SLC4A4: variants seen among roughly 807,000 people sequenced by gnomAD.
SLC4A4 encodes electrogenic sodium bicarbonate cotransporter 1.
In SLC4A4, 27 loss-of-function variants were observed where a neutral mutation model predicts 111.5. The observed-to-expected ratio is 0.24, with a 90% CI of 0.18 to 0.33. The LOEUF is 0.33. SLC4A4 is among the 10% of genes least tolerant of loss of function. The pLI is 1.00. For missense variants in SLC4A4, 909 were observed against 1,315.5 expected (o/e 0.69, Z 4.78); for synonymous variants, 443 against 463.4 (o/e 0.96, Z 0.57).
intron 2 of SLC4A4, among the ~76,000 whole-genome samples, chr4:71,114,597 A>C (rs1743196019): frequency 6.6e-6 from 1 of 150,824 alleles, no homozygotes; most frequent in Non-Finnish European, 1.5e-5. Flanking sequence ...GCTCACCATC[A>C]CTGGCCATCA....
intron 16 of SLC4A4, among the ~76,000 whole-genome samples, chr4:71,522,085 C>T (rs559826682): frequency 5.3e-5 from 8 of 152,172 alleles, no homozygotes; most frequent in Non-Finnish European, 1.0e-4. Context: ...TTCTACAGAG[C>T]CCTAATGCTC....
Position 71,561,083 on chromosome 4 carries a change from CT to C in SLC4A4, c.3099+830del, listed in dbSNP as rs1398392005. On this transcript the variant is annotated intron_variant, in intron 23 of 25. Coordinates refer to ENST00000264485, the MANE Select transcript of SLC4A4 (RefSeq NM_001098484.3). ...AATGTTTTCCATTTGAAAATTTGCT[CT>C]GGATTTTACACAGTGCAGTATCACA... Among the ~76,000 whole-genome samples the C allele has an allele frequency of 2.6e-5, 4 of 151,844 alleles. No homozygotes were observed. In the East Asian group the frequency reaches 7.8e-4, roughly 30 times the overall value.
chr4:71,292,489 C>T (rs1264535750), intron 3 of SLC4A4, among the ~76,000 whole-genome samples: 2 of 152,210 alleles, frequency 1.3e-5, no homozygotes, highest in African/African-American at 4.8e-5. Context: ...TGCAATAAAA[C>T]TTAAATTGCT....
At chr4:71,075,007 A>G (rs1358154372) in intron 1 of SLC4A4, among the ~76,000 whole-genome samples, 1 of 152,072 alleles carries the variant, frequency 6.6e-6, no homozygotes, top group Non-Finnish European at 1.5e-5. Context: ...GACATATAAC[A>G]AGGCTTAATT....
intron 4 of SLC4A4, among the ~76,000 whole-genome samples, chr4:71,348,243 G>A (rs188473367): frequency 3.8e-4 from 57 of 149,190 alleles, no homozygotes; most frequent in Admixed American, 6.7e-4. Flanking sequence ...TAAAATTGTC[G>A]TTTTTTTTCT....
chr4:71,520,848 G>A (rs536743025), intron 16 of SLC4A4, among the ~76,000 whole-genome samples: 6 of 151,420 alleles, frequency 4.0e-5, no homozygotes, highest in Non-Finnish European at 7.4e-5. Context: ...CTTTTTTTTG[G>A]GGGGGTGGCT....
chr4:71,558,917 A>G lies in SLC4A4; in HGVS notation c.2937+1032A>G, dbSNP rs1278803029. ...AGCACACTGAGTATGAGAAACACTC[A>G]AATATACCTATTAGTGTTATCTGCC... is the stretch of plus-strand genomic sequence containing the variant. On this transcript the variant is annotated intron_variant, in intron 22 of 25. Transcript: ENST00000264485. 2.6e-5 allele frequency among the ~76,000 whole-genome samples: 4 copies of G among 151,896 alleles called. No individual in the cohort carries two copies. In the East Asian group the frequency reaches 7.8e-4, roughly 30 times the overall value.
rs1048510500 is a variant in SLC4A4, at chr4:71,570,045, A to G, written c.*2294A>G. The G allele has an allele frequency of 6.6e-6, 1 of 151,718 alleles. No individual in the cohort carries two copies. The highest frequency in any genetic ancestry group is 1.5e-5 in the Non-Finnish European group (1 of 67,822). 9.4% of individuals were successfully genotyped at this position (151,718 alleles called of 1,614,324 possible). On this transcript the variant is annotated 3_prime_UTR_variant, in exon 26 of 26. Transcript: ENST00000264485. ...ACTTTCCTTTTTTCTTTATGCATGG[A>G]AGCATCAATAAATTGTTTAAAAACC...
intron 18 of SLC4A4, among the ~76,000 whole-genome samples, chr4:71,537,358 A>G (rs1461937137): frequency 6.7e-6 from 1 of 148,332 alleles, no homozygotes; most frequent in African/African-American, 2.6e-5. Context: ...ATATGTGTAT[A>G]TATACATATG....
At chr4:71,336,075 T>C (rs1320094123) in intron 3 of SLC4A4, among the ~76,000 whole-genome samples, 2 of 152,234 alleles carry the variant, frequency 1.3e-5, no homozygotes, top group Non-Finnish European at 2.9e-5. Flanking sequence ...AGATAAAGCC[T>C]GTTAAGCCAA....
chr4:71,096,471 G>A (rs1418660233), intron 2 of SLC4A4, among the ~76,000 whole-genome samples: 1 of 152,030 alleles, frequency 6.6e-6, no homozygotes, highest in African/African-American at 2.4e-5. Context: ...AATTTTTCAG[G>A]ACTGGGGCTT....
intron 1 of SLC4A4, among the ~76,000 whole-genome samples, chr4:71,073,038 A>G (rs570433761): frequency 2.0e-5 from 3 of 152,176 alleles, no homozygotes; most frequent in African/African-American, 7.2e-5. Context: ...AAGTTCTGGG[A>G]TTACAGGTGT....
At chr4:71,067,489 T>C (rs547443389) in intron 1 of SLC4A4, among the ~76,000 whole-genome samples, 14 of 152,336 alleles carry the variant, frequency 9.2e-5, no homozygotes, top group African/African-American at 2.6e-4. Flanking sequence ...CTGTAAATGT[T>C]TGATGAAGCC....
At chr4:71,404,623 C>G (rs1720671848) in intron 7 of SLC4A4, among the ~76,000 whole-genome samples, 1 of 152,112 alleles carries the variant, frequency 6.6e-6, no homozygotes, top group South Asian at 2.1e-4. Context: ...GACGTATACT[C>G]TCACATCACA....
rs1260076232 is a variant in SLC4A4, at chr4:71,497,521, C to G, written c.1995C>G (p.Asp665Glu). ...TTCAGTACCATAATACTACCTTTGA[C>G]TGGGCATTTTTGTCGAAGAAGGAGT... ...STDMYHNTTF[D>E]WAFLSKKECS... The change falls in exon 16 of 26, where the codon GAC becomes GAG. Residue 665 changes from aspartate to glutamate, a missense_variant. Coordinates refer to ENST00000264485, the MANE Select transcript of SLC4A4 (RefSeq NM_001098484.3). 7 of 1,613,244 alleles carry G rather than the reference C, an allele frequency of 4.3e-6. No homozygotes were observed. The South Asian group carries it at 6.6e-5, about 15-fold the overall frequency.
chr4:71,196,300 A>G (rs1319736160), intron 1 of SLC4A4, among the ~76,000 whole-genome samples: 2 of 152,184 alleles, frequency 1.3e-5, no homozygotes, highest in Non-Finnish European at 2.9e-5. Flanking sequence ...AAGCAGAGAC[A>G]CGCAGCTCAC....
intron 1 of SLC4A4, among the ~76,000 whole-genome samples, chr4:71,203,992 A>G (rs1210645081): frequency 6.6e-6 from 1 of 152,210 alleles, no homozygotes; most frequent in Non-Finnish European, 1.5e-5. Flanking sequence ...TAAATTCCAG[A>G]AAAGCCATGT....
chr4:71,267,791 CAAAAAAAAAA>C (rs71212002), intron 3 of SLC4A4, among the ~76,000 whole-genome samples: 13 of 62,360 alleles, frequency 2.1e-4, no homozygotes, highest in African/African-American at 6.1e-4. Flanking sequence ...GAGAGTCTGC[CAAAAAAAAAA>C]AAAAAAAAAA....
intron 3 of SLC4A4, chr4:71,300,523 C>G: frequency 8.0e-6 from 2 of 249,210 alleles, no homozygotes; most frequent in Middle Eastern, 1.5e-3. Flanking sequence ...GCCGGGGCCA[C>G]TAGCGGCATG....
Sources: gnomAD v4.1 joint callset for allele counts (sites outside exome capture counted in the v4.1 genomes callset) on GRCh38, gnomAD v4.1.1 for gene constraint, MANE v1.5 for transcripts, NCBI Gene and HGNC (gene_info 2026-07-23, HGNC 2026-07-21) for gene names.